The following CMTM5 variants were observed in gnomAD, a reference collection of about 807,000 sequenced individuals.
CMTM5 encodes the protein CKLF like MARVEL transmembrane domain containing 5, also known as CKLF-like MARVEL transmembrane domain-containing protein 5.
In CMTM5, 25 loss-of-function variants were observed where a neutral mutation model predicts 26.9. The observed-to-expected ratio is 0.93, with a 90% CI of 0.68 to 1.30. CMTM5 has a LOEUF of 1.30. CMTM5 is among the 50% of genes most tolerant of loss of function. The probability of loss-of-function intolerance (pLI) is 0.00; values close to 1 mark genes in which losing one functional copy is unlikely to be tolerated. For synonymous variants in CMTM5, 98 were observed against 115.5 expected (o/e 0.85, Z 0.97); for missense variants, 292 against 289.6 (o/e 1.01, Z -0.06).
Position 23,379,770 on chromosome 14 carries a change from C to A in CMTM5, c.*283C>A. 1 of 709,918 alleles carries A rather than the reference C, an allele frequency of 1.4e-6. No homozygotes were observed. Among genetic ancestry groups the A allele is most frequent in the Non-Finnish European group, 2.2e-6 (1 of 444,828 alleles). The allele number at this position is 709,918 out of a possible 1,614,324, so 44.0% of individuals were successfully genotyped here. Reference sequence around the variant, plus strand: ...ATTCCCAAATTAAAATATTCAAATTCTACTGGTGAGTCTCTTTCTTCCCCA... The same window carrying A: ...ATTCCCAAATTAAAATATTCAAATTATACTGGTGAGTCTCTTTCTTCCCCA... On this transcript the variant is annotated 3_prime_UTR_variant, in exon 6 of 6. Transcript: ENST00000339180.
chr14:23,378,972 T>C lies in CMTM5; in HGVS notation c.481-59T>C. 6.2e-7 allele frequency: 1 copy of C among 1,609,456 alleles called. No individual in the cohort carries two copies. Among genetic ancestry groups the C allele is most frequent in the Non-Finnish European group, 8.5e-7 (1 of 1,176,610 alleles). On this transcript the variant is annotated intron_variant, in intron 3 of 5. Coordinates refer to ENST00000339180, the MANE Select transcript of CMTM5 (RefSeq NM_001288746.2). This position sits in a 1 kb window ranked among gnomAD's most constrained non-coding sequence, Gnocchi z 4.2. ...CGGGCTGCTGGCTAGCCTGGAAAAC[T>C]TCAGGGTAACGCCCCCTGCCTTCTG...
At position 23,378,201 on chromosome 14, in the gene CMTM5, G is replaced by A; in HGVS notation, c.127-148G>A. The A allele has an allele frequency of 1.2e-6, 1 of 823,882 alleles. No homozygotes were observed. Among genetic ancestry groups the A allele is most frequent in the Non-Finnish European group, 1.9e-6 (1 of 535,896 alleles). 51.0% of individuals were successfully genotyped at this position (823,882 alleles called of 1,614,324 possible). On this transcript the variant is annotated intron_variant, in intron 1 of 5. Coordinates refer to ENST00000339180, the MANE Select transcript of CMTM5 (RefSeq NM_001288746.2). This position sits in a 1 kb window ranked among gnomAD's most constrained non-coding sequence, Gnocchi z 4.2. ...CTGCAACGGTGGCTCCTGACACCAG[G>A]GGATAGGGAGATGTGCCAGAGTCCT...
chr14:23,379,210 A>G, intron 4 of CMTM5, 87 bp downstream of exon 4: 1 of 1,599,946 alleles, frequency 6.3e-7, no homozygotes, highest in Non-Finnish European at 8.5e-7. Flanking sequence ...CACAGCCAGG[A>G]CTTGGGGTTC....
rs564012942 is a variant in CMTM5 at position 23,377,149 on chromosome 14, C to T, written c.-103C>T. ...CCTCCTGCTTCACTTTCAGGTTTCT[C>T]GAAGTGCCTTCTTGCTCCTGTCTGT... On this transcript the variant is annotated 5_prime_UTR_variant, in exon 1 of 6. Coordinates refer to ENST00000339180, the MANE Select transcript of CMTM5 (RefSeq NM_001288746.2). This position sits in a 1 kb window ranked among gnomAD's most constrained non-coding sequence, Gnocchi z 4.6. 2.3e-4 allele frequency: 342 copies of T among 1,486,750 alleles called. 1 individual carries two copies. In the South Asian group the frequency reaches 3.7e-3, roughly 16 times the overall value. The allele number at this position is 1,486,750 out of a possible 1,614,324, so 92.1% of individuals were successfully genotyped here. A position where few individuals can be genotyped will look rare whatever the true frequency, so the allele number is the denominator to read the frequency against.
At chr14:23,379,429 G>T in intron 5 of CMTM5, 45 bp from the exon 6 acceptor site, 1 of 1,614,092 alleles carries the variant, frequency 6.2e-7, no homozygotes, top group Non-Finnish European at 8.5e-7. Context: ...CCCCACCCTA[G>T]CTACCCATCC....
rs776173113 is a variant in CMTM5 at position 23,379,086 on chromosome 14, C to A, written c.536C>A (p.Ala179Asp). The A allele has an allele frequency of 2.5e-6, 4 of 1,613,940 alleles. No individual in the cohort carries two copies. In the African/African-American group the frequency reaches 5.3e-5, roughly 22 times the overall value. The part of the protein sequence containing the change: ...IIIFLVVSFA[A>D]VTSRDGAAIA... ...ATCTTCCTGGTGGTCTCCTTTGCAG[C>A]TGTGACCTCCCGGGACGGAGCTGCC... Residue 179 changes from alanine to aspartate, a missense_variant, in exon 4 of 6, where the codon GCT becomes GAT. By Grantham distance (126) the Ala-to-Asp change is moderately radical. Transcript: ENST00000339180.
In CMTM5 at chr14:23,377,504, C is replaced by T; in HGVS notation, c.126+127C>T. 9.6e-7 allele frequency: 1 copy of T among 1,037,870 alleles called. No individual in the cohort carries two copies. The highest frequency in any genetic ancestry group is 2.0e-5 in the South Asian group (1 of 49,626). The allele number at this position is 1,037,870 out of a possible 1,614,324, so 64.3% of individuals were successfully genotyped here. A position where few individuals can be genotyped will look rare whatever the true frequency, so the allele number is the denominator to read the frequency against. ...CAAGCCCTCTGGACACCTCTCCTGC[C>T]CGCAGCTGCCCCTTCTTCGTCTCCT... On this transcript the variant is annotated intron_variant, in intron 1 of 5. Transcript: ENST00000339180. The surrounding 1 kb of genome is among the most constrained non-coding windows in gnomAD (Gnocchi z 4.6).
At position 23,377,414 on chromosome 14, in the gene CMTM5, C is replaced by G. The variant is rs1407538395; in HGVS notation, c.126+37C>G. 6.5e-7 allele frequency: 1 copy of G among 1,527,008 alleles called. No individual in the cohort carries two copies. Among genetic ancestry groups the G allele is most frequent in the South Asian group, 1.3e-5 (1 of 79,362 alleles). The allele number at this position is 1,527,008 out of a possible 1,614,324, so 94.6% of individuals were successfully genotyped here. ...CTCCCAACCTGGTGCCTCCATCTCC[C>G]TGACCCCCGGCTCCTGGCCAGCCTT... On this transcript the variant is annotated intron_variant, in intron 1 of 5. Transcript: ENST00000339180. This position sits in a 1 kb window ranked among gnomAD's most constrained non-coding sequence, Gnocchi z 4.6.
chr14:23,378,782 A>G lies in CMTM5; in HGVS notation c.393A>G (p.Pro131=). 6.2e-7 allele frequency: 1 copy of G among 1,612,288 alleles called. No homozygotes were observed. Among genetic ancestry groups the G allele is most frequent in the Non-Finnish European group, 8.5e-7 (1 of 1,179,732 alleles). ...TGACCCCCCCGGGCTGGCATACTCC[A>G]GCCGCTGTCCCCTGGGTTCCAGCCC... The part of the protein sequence containing the change: ...PGLTPPGWHT[P]AAVPWVPAPA... The change falls in exon 3 of 6, where the codon CCA becomes CCG. Residue 131 remains proline, a synonymous_variant. Coordinates refer to ENST00000339180, the MANE Select transcript of CMTM5 (RefSeq NM_001288746.2). The surrounding 1 kb of genome is among the most constrained non-coding windows in gnomAD (Gnocchi z 4.2).
Position 23,378,529 on chromosome 14 carries a change from T to C in CMTM5, c.279+28T>C. 1 of 1,613,882 alleles carries C rather than the reference T, an allele frequency of 6.2e-7. No homozygotes were observed. Among genetic ancestry groups the C allele is most frequent in the Non-Finnish European group, 8.5e-7 (1 of 1,179,824 alleles). ...GAGGAACCCTGACCCCTAGCCCAGT[T>C]TGGGGCCCTTCCCTCTCCTCTAAAT... is the stretch of plus-strand genomic sequence containing the variant. On this transcript the variant is annotated intron_variant, in intron 2 of 5. Transcript: ENST00000339180. This position sits in a 1 kb window ranked among gnomAD's most constrained non-coding sequence, Gnocchi z 4.2.
Position 23,377,193 on chromosome 14 carries a change from TTC to T in CMTM5, c.-57_-56del. The T allele has an allele frequency of 3.8e-6, 6 of 1,593,074 alleles. No individual in the cohort carries two copies. The highest frequency in any genetic ancestry group is 5.1e-6 in the Non-Finnish European group (6 of 1,171,862). ...TGTCTGTTTCCCCATCCTGCCAGAT[TTC>T]TGTTTCTCTTGCTGGGCTTTTGGCA... On this transcript the variant is annotated 5_prime_UTR_variant, in exon 1 of 6. Transcript: ENST00000339180. This position sits in a 1 kb window ranked among gnomAD's most constrained non-coding sequence, Gnocchi z 4.6.
Position 23,378,970 on chromosome 14 carries a change from A to G in CMTM5, c.481-61A>G. ...GTCGGGCTGCTGGCTAGCCTGGAAA[A>G]CTTCAGGGTAACGCCCCCTGCCTTC... On this transcript the variant is annotated intron_variant, in intron 3 of 5. Coordinates refer to ENST00000339180, the MANE Select transcript of CMTM5 (RefSeq NM_001288746.2). The surrounding 1 kb of genome is among the most constrained non-coding windows in gnomAD (Gnocchi z 4.2). 6.2e-7 allele frequency: 1 copy of G among 1,608,356 alleles called. No individual in the cohort carries two copies. The highest frequency in any genetic ancestry group is 8.5e-7 in the Non-Finnish European group (1 of 1,175,878).
upstream of CMTM5, chr14:23,376,875 C>T (rs1369744121): frequency 8.8e-6 from 2 of 226,380 alleles, no homozygotes; most frequent in South Asian, 7.6e-5. Flanking sequence ...TGCCCCTGTT[C>T]CTCTACTCAC....
At position 23,378,869 on chromosome 14, in the gene CMTM5, T is replaced by C. The variant is rs200406129; in HGVS notation, c.480T>C (p.Ser160=). ...WFICFHSLGS[S]DFLRCVSAII... Reference sequence around the variant, plus strand: ...TCTGCTTCCACTCCCTGGGTAGCAGTGTGAGCGCTCTGTCTCTTGAATGTG... The same window carrying C: ...TCTGCTTCCACTCCCTGGGTAGCAGCGTGAGCGCTCTGTCTCTTGAATGTG... Residue 160 remains serine (S), a splice_region_variant and synonymous_variant, in exon 3 of 6, where the codon AGT becomes AGC. Transcript: ENST00000339180. This position sits in a 1 kb window ranked among gnomAD's most constrained non-coding sequence, Gnocchi z 4.2. 6.8e-6 allele frequency: 11 copies of C among 1,612,916 alleles called. No homozygotes were observed. The highest frequency in any genetic ancestry group is 9.3e-6 in the Non-Finnish European group (11 of 1,179,588).
Position 23,377,595 on chromosome 14 carries a change from G to A in CMTM5, c.126+218G>A. On this transcript the variant is annotated intron_variant, in intron 1 of 5. Coordinates refer to ENST00000339180, the MANE Select transcript of CMTM5 (RefSeq NM_001288746.2). The surrounding 1 kb of genome is among the most constrained non-coding windows in gnomAD (Gnocchi z 4.6). ...AGCAGGTTTCAGTTGCAGCAGGAAG[G>A]ACTGCAGTTAGACAGGGTGACTTTT... The A allele has an allele frequency of 4.0e-6, 2 of 498,786 alleles. No homozygotes were observed. The highest frequency in any genetic ancestry group is 3.5e-5 in the East Asian group (1 of 28,976). 30.9% of individuals were successfully genotyped at this position (498,786 alleles called of 1,614,324 possible).
At position 23,379,701 on chromosome 14, in the gene CMTM5, T is replaced by TCTGTGGAGCCTGGTGCTCCAGGA; in HGVS notation, c.*214_*215insCTGTGGAGCCTGGTGCTCCAGGA. The TCTGTGGAGCCTGGTGCTCCAGGA allele has an allele frequency of 9.3e-7, 1 of 1,072,798 alleles. No individual in the cohort carries two copies. The highest frequency in any genetic ancestry group is 1.3e-6 in the Non-Finnish European group (1 of 788,164). The allele number at this position is 1,072,798 out of a possible 1,614,324, so 66.5% of individuals were successfully genotyped here. ...GCTCTGGCCAGAGGAGGGGAACTTATTGGGGGAGGGGGGGTGGAGGGGAGG... is the reference window on the plus strand; with the variant it reads ...GCTCTGGCCAGAGGAGGGGAACTTATCTGTGGAGCCTGGTGCTCCAGGATGGGGGAGGGGGGGTGGAGGGGAGG... On this transcript the variant is annotated 3_prime_UTR_variant, in exon 6 of 6. Transcript: ENST00000339180.
In CMTM5 at chr14:23,378,209, G is replaced by C; in HGVS notation, c.127-140G>C. On this transcript the variant is annotated intron_variant, in intron 1 of 5. Coordinates refer to ENST00000339180, the MANE Select transcript of CMTM5 (RefSeq NM_001288746.2). This position sits in a 1 kb window ranked among gnomAD's most constrained non-coding sequence, Gnocchi z 4.2. ...GTGGCTCCTGACACCAGGGGATAGG[G>C]AGATGTGCCAGAGTCCTTCCTCCCC... 1 of 869,454 alleles carries C rather than the reference G, an allele frequency of 1.2e-6. No homozygotes were observed. The highest frequency in any genetic ancestry group is 1.7e-6 in the Non-Finnish European group (1 of 573,704). The allele number at this position is 869,454 out of a possible 1,614,324, so 53.9% of individuals were successfully genotyped here. A position where few individuals can be genotyped will look rare whatever the true frequency, so the allele number is the denominator to read the frequency against.
chr14:23,379,548 G>C lies in CMTM5; in HGVS notation c.*61G>C. The C allele has an allele frequency of 6.2e-7, 1 of 1,608,460 alleles. No individual in the cohort carries two copies. Among genetic ancestry groups the C allele is most frequent in the Non-Finnish European group, 8.5e-7 (1 of 1,179,686 alleles). ...AGAGAGGACAGTGGAGCCCAGACAC[G>C]TCTCCTTGGGATTCACTAGCCCCCA... On this transcript the variant is annotated 3_prime_UTR_variant, in exon 6 of 6. Transcript: ENST00000339180.
chr14:23,378,559 C>T lies in CMTM5; in HGVS notation c.279+58C>T. 1 of 1,610,010 alleles carries T rather than the reference C, an allele frequency of 6.2e-7. No homozygotes were observed. The highest frequency in any genetic ancestry group is 1.1e-5 in the South Asian group (1 of 90,934). On this transcript the variant is annotated intron_variant, in intron 2 of 5. Coordinates refer to ENST00000339180, the MANE Select transcript of CMTM5 (RefSeq NM_001288746.2). The surrounding 1 kb of genome is among the most constrained non-coding windows in gnomAD (Gnocchi z 4.2). ...GCCCTTCCCTCTCCTCTAAATGATG[C>T]ATTTTCCTTTCCTCCCCGAGCTTCT...
Sources: gnomAD v4.1 joint callset for allele counts on GRCh38, gnomAD v4.1.1 for gene constraint, Gnocchi (gnomAD v3.1) non-coding constraint, MANE v1.5 for transcripts, NCBI Gene and HGNC (gene_info 2026-07-23, HGNC 2026-07-21) for gene names.